The following OSMR variants were observed in gnomAD, a reference collection of about 807,000 sequenced individuals.
OSMR encodes the protein oncostatin M receptor.
In OSMR, 81 loss-of-function variants were observed where a neutral mutation model predicts 99.9. That is an observed-to-expected ratio of 0.81 (90% CI 0.68 to 0.97). The LOEUF (loss-of-function observed/expected upper bound fraction) is 0.97. Ranked by LOEUF, OSMR falls within the 50% of genes least tolerant of loss-of-function variation. The pLI is 0.00. For missense variants in OSMR, 1,099 were observed against 1,153.4 expected, an observed-to-expected ratio of 0.95 and a Z score of 0.68; for synonymous variants, 406 against 410.4, an observed-to-expected ratio of 0.99 and a Z score of 0.13.
chr5:38,896,363 G>A (rs1310039155), intron 7 of OSMR, among the ~76,000 whole-genome samples: 2 of 151,772 alleles, frequency 1.3e-5, no homozygotes, highest in African/African-American at 2.4e-5. Flanking sequence ...ATACTTCACT[G>A]CTTTGGTTAA....
chr5:38,936,648 A>ACTT (rs756810662), downstream of OSMR, among the ~76,000 whole-genome samples: 1 of 152,218 alleles, frequency 6.6e-6, no homozygotes, highest in Non-Finnish European at 1.5e-5. Context: ...CTTATTAAAC[A>ACTT]CTTCTAAGAG....
At chr5:38,872,278 T>C (rs1742442187) in intron 2 of OSMR, among the ~76,000 whole-genome samples, 1 of 152,230 alleles carries the variant, frequency 6.6e-6, no homozygotes. Flanking sequence ...CACTCACTGA[T>C]AGCGTATGTT....
At chr5:38,914,597 C>T (rs1283547467) in intron 9 of OSMR, among the ~76,000 whole-genome samples, 1 of 152,122 alleles carries the variant, frequency 6.6e-6, no homozygotes, top group African/African-American at 2.4e-5. Flanking sequence ...TGGACTCTAC[C>T]TAGGTGCCCA....
chr5:38,886,099 A>C lies in OSMR; in HGVS notation c.900A>C (p.Gln300His). ...ACTGGTGTAATTGGCAAATAACTCA[A>C]GACTCACAAGAAACCTATAACTTCA... ...HKNWCNWQITQDSQETYNFTL... is the reference protein window; with the variant it reads ...HKNWCNWQITHDSQETYNFTL... The change falls in exon 7 of 18, where the codon CAA becomes CAC. Residue 300 changes from glutamine (Q) to histidine (H), a missense_variant. By Grantham distance (24) the Gln-to-His change is conservative. Coordinates refer to ENST00000274276, the MANE Select transcript of OSMR (RefSeq NM_003999.3). The C allele has an allele frequency of 6.2e-7, 1 of 1,613,688 alleles. No homozygotes were observed. Among genetic ancestry groups the C allele is most frequent in the African/African-American group, 1.3e-5 (1 of 75,042 alleles).
chr5:38,852,455 G>A (rs1740453326), intron 1 of OSMR, among the ~76,000 whole-genome samples: 1 of 152,164 alleles, frequency 6.6e-6, no homozygotes, highest in Non-Finnish European at 1.5e-5. Context: ...TCTTACCAAT[G>A]TGAGGTATTA....
chr5:38,917,035 G>C (rs1406522156), intron 9 of OSMR, among the ~76,000 whole-genome samples: 1 of 152,064 alleles, frequency 6.6e-6, no homozygotes, highest in Non-Finnish European at 1.5e-5. Flanking sequence ...AAGGTGCTGG[G>C]AGGAGGAGTG....
intron 1 of OSMR, chr5:38,941,010 G>A (rs1198438342): frequency 4.3e-6 from 1 of 232,624 alleles, no homozygotes; most frequent in Non-Finnish European, 8.5e-6. Flanking sequence ...TCTCAAAAAA[G>A]ATAATCCTTT....
intron 7 of OSMR, among the ~76,000 whole-genome samples, chr5:38,902,209 G>A (rs1309667328): frequency 1.1e-4 from 16 of 152,232 alleles, no homozygotes; most frequent in Admixed American, 1.0e-3. Context: ...ATAAGCCATT[G>A]GAACTTGGGG....
intron 2 of OSMR, among the ~76,000 whole-genome samples, chr5:38,874,016 G>A (rs1742609799): frequency 6.6e-6 from 1 of 151,930 alleles, no homozygotes; most frequent in Non-Finnish European, 1.5e-5. Flanking sequence ...TTTTTTGGTA[G>A]AGACAGGGTT....
chr5:38,933,215 C>T lies in OSMR; in HGVS notation c.2711C>T (p.Ser904Phe). The T allele has an allele frequency of 6.2e-7, 1 of 1,614,176 alleles. No individual in the cohort carries two copies. Among genetic ancestry groups the T allele is most frequent in the Non-Finnish European group, 8.5e-7 (1 of 1,180,024 alleles). Residue 904 changes from serine to phenylalanine, a missense_variant, in exon 18 of 18, where the codon TCC (serine) becomes TTC (phenylalanine). Physicochemically the swap from Ser to Phe is radical, Grantham distance 155. Transcript: ENST00000274276. ...GCACTAGAAAAAAACTACATGAACT[C>T]CCTGGGAGAAATCCCAGCTGGAGAA... ...LKALEKNYMN[S>F]LGEIPAGETS...
rs769499267 is a variant in OSMR, at chr5:38,869,037, C to T, written c.-8C>T. 4 of 1,613,230 alleles carry T rather than the reference C, an allele frequency of 2.5e-6. No individual in the cohort carries two copies. Among genetic ancestry groups the T allele is most frequent in the Admixed American group, 1.7e-5 (1 of 59,964 alleles). ...TTATAATTTATCTTTTTCAGAAAAC[C>T]AGAACTGATGGCTCTATTTGCAGTC... is the stretch of plus-strand genomic sequence containing the variant. On this transcript the variant is annotated 5_prime_UTR_variant, in exon 2 of 18. Coordinates refer to ENST00000274276, the MANE Select transcript of OSMR (RefSeq NM_003999.3).
At chr5:38,918,428 G>A (rs1746044333) in intron 10 of OSMR, among the ~76,000 whole-genome samples, 2 of 152,186 alleles carry the variant, frequency 1.3e-5, no homozygotes, top group South Asian at 4.1e-4. Context: ...GCTGCATAGG[G>A]GTAACATGGC....
At chr5:38,910,216 A>G (rs1745486603) in intron 9 of OSMR, among the ~76,000 whole-genome samples, 1 of 152,246 alleles carries the variant, frequency 6.6e-6, no homozygotes, top group African/African-American at 2.4e-5. Flanking sequence ...GAGCGCACAG[A>G]TTCATAAAGT....
At chr5:38,920,928 T>C (rs1462223533) in intron 11 of OSMR, among the ~76,000 whole-genome samples, 1 of 152,216 alleles carries the variant, frequency 6.6e-6, no homozygotes, top group Non-Finnish European at 1.5e-5. Flanking sequence ...TCATAAACTG[T>C]GTGCATATCT....
At chr5:38,870,472 C>T (rs556511897) in intron 2 of OSMR, among the ~76,000 whole-genome samples, 1 of 151,982 alleles carries the variant, frequency 6.6e-6, no homozygotes, top group South Asian at 2.1e-4. Flanking sequence ...GCTGGGATTA[C>T]AGGCACACGC....
Position 38,869,066 on chromosome 5 carries a change from C to T in OSMR, c.22C>T (p.Gln8Ter). The T allele has an allele frequency of 6.2e-7, 1 of 1,613,760 alleles. No individual in the cohort carries two copies. Among genetic ancestry groups the T allele is most frequent in the East Asian group, 2.2e-5 (1 of 44,868 alleles). MALFAVF[Q>*]TTFFLTLLSL... is the part of the protein sequence containing the mutation. ...ACTGATGGCTCTATTTGCAGTCTTTCAGACAACATTCTTCTTAACATTGCT... is the reference window on the plus strand; with the variant it reads ...ACTGATGGCTCTATTTGCAGTCTTTTAGACAACATTCTTCTTAACATTGCT... Residue 8 changes from glutamine to a stop codon, truncating the protein, a stop_gained, in exon 2 of 18, where the codon CAG becomes TAG. Transcript: ENST00000274276. LOFTEE classifies it high-confidence loss of function.
Position 38,943,161 on chromosome 5 carries a change from T to A in OSMR, c.75-1040T>A, listed in dbSNP as rs920528510. On this transcript the variant is annotated intron_variant and NMD_transcript_variant, in intron 1 of 2. Transcript: ENST00000508882. Reference sequence around the variant, plus strand: ...CACTTAGACATTCTGAGTTTGGGTTTTTTTTTAAAAAAAATGATTATCAAA... The same window carrying A: ...CACTTAGACATTCTGAGTTTGGGTTATTTTTTAAAAAAAATGATTATCAAA... 47 of 415,702 alleles carry A rather than the reference T, an allele frequency of 1.1e-4. No homozygotes were observed. In the Admixed American group the frequency reaches 1.9e-3, roughly 17 times the overall value. The allele number at this position is 415,702 out of a possible 1,614,324, so 25.8% of individuals were successfully genotyped here. A position where few individuals can be genotyped will look rare whatever the true frequency, so the allele number is the denominator to read the frequency against.
intron 2 of OSMR, among the ~76,000 whole-genome samples, chr5:38,869,410 A>G (rs1163727294): frequency 6.6e-6 from 1 of 152,214 alleles, no homozygotes; most frequent in African/African-American, 2.4e-5. Context: ...TTCATGATGG[A>G]TATATTTTAT....
rs1744299463 is a variant in OSMR at position 38,893,599 on chromosome 5, A to AT, written c.991+7415dup. On this transcript the variant is annotated intron_variant, in intron 7 of 17. Coordinates refer to ENST00000274276, the MANE Select transcript of OSMR (RefSeq NM_003999.3). ...AAAGAATTTCAGAGCTTCAAGAATGATTTTTTCAAACCTAGTCAGACAAAA... is the reference window on the plus strand; with the variant it reads ...AAAGAATTTCAGAGCTTCAAGAATGATTTTTTTCAAACCTAGTCAGACAAAA... Among the ~76,000 whole-genome samples, 3 of 152,332 alleles carry AT rather than the reference A, an allele frequency of 2.0e-5. No homozygotes were observed. The South Asian group carries it at 6.2e-4, about 32-fold the overall frequency.
Sources: allele counts gnomAD v4.1 joint callset (sites outside exome capture counted in the v4.1 genomes callset), GRCh38; gene constraint gnomAD v4.1.1; transcripts MANE v1.5; gene names NCBI Gene and HGNC (gene_info 2026-07-23, HGNC 2026-07-21).